Variants in ZNF676 observed in about 807,000 individuals in gnomAD.
The protein encoded by ZNF676 is zinc finger protein 676.
ZNF676 carries 4 observed loss-of-function variants against 6.0 expected under a neutral mutation model. That is an observed-to-expected ratio of 0.67 (90% CI 0.33 to 1.53). The LOEUF (loss-of-function observed/expected upper bound fraction) is 1.53, where lower values mean the gene tolerates loss of function less well. ZNF676 is among the 40% of genes most tolerant of loss of function. The pLI, the probability that ZNF676 is intolerant of heterozygous loss-of-function variation, is 0.06. For missense variants in ZNF676, 644 were observed against 679.7 expected (o/e 0.95, Z 0.58); for synonymous variants, 198 against 223.1 (o/e 0.89, Z 1.00).
At chr19:22,206,129 C>T (rs4932963) in intron 1 of ZNF676, among the ~76,000 whole-genome samples, 68,529 of 151,248 alleles carry the variant, frequency 0.45, 16,782 homozygotes, top group African/African-American at 0.65. Context: ...GCTCAAAAAA[C>T]TGAATTAGTA....
chr19:22,249,880 G>C, the ZNF676 span, among the ~76,000 whole-genome samples: 3 of 151,294 alleles, frequency 2.0e-5, no homozygotes, highest in Non-Finnish European at 4.4e-5. Flanking sequence ...TTGTATATAA[G>C]ATTTTATTAA....
Position 22,180,163 on chromosome 19 carries a change from C to A in ZNF676, c.1554G>T (p.Ser518=), listed in dbSNP as rs776190887. Residue 518 remains serine, a synonymous_variant, in exon 3 of 3, where the codon TCG becomes TCT. Transcript: ENST00000397121. ...EECGKAFSWS[S]ILTEHKIIHT... ...GAATTATCTTATGTTCAGTAAGGAT[C>A]GAGGACCAGCTGAAGGCTTTGCCAC... 6.4e-7 allele frequency: 1 copy of A among 1,556,470 alleles called. No homozygotes were observed. Among genetic ancestry groups the A allele is most frequent in the African/African-American group, 1.6e-5 (1 of 64,250 alleles).
chr19:22,226,868 G>A, the ZNF676 span, among the ~76,000 whole-genome samples: 2 of 152,032 alleles, frequency 1.3e-5, no homozygotes, highest in South Asian at 4.1e-4. Context: ...CAAAGTTCTC[G>A]GGTTACAGAG....
At chr19:22,237,540 A>G in the ZNF676 span, among the ~76,000 whole-genome samples, 1 of 152,166 alleles carries the variant, frequency 6.6e-6, no homozygotes, top group African/African-American at 2.4e-5. Flanking sequence ...ACTTTAGTCT[A>G]CTTATATGCC....
At chr19:22,200,555 G>C (rs1272905510), upstream of ZNF676, among the ~76,000 whole-genome samples, 1 of 99,780 alleles carries the variant, frequency 1.0e-5, no homozygotes, top group Non-Finnish European at 1.8e-5. Flanking sequence ...GTCTCACTTT[G>C]TTGCGGAGGC....
upstream of ZNF676, among the ~76,000 whole-genome samples, chr19:22,220,491 G>T (rs281196): frequency 0.69 from 101,681 of 148,232 alleles, 35,173 homozygotes; most frequent in South Asian, 0.85. Flanking sequence ...TGAGTCTTGC[G>T]CTGTCACCCA....
In ZNF676 at chr19:22,179,952, A is replaced by T. The variant is rs1599707867; in HGVS notation, c.1765T>A (p.Ter589LysextTer11). 6.2e-7 allele frequency: 1 copy of T among 1,611,854 alleles called. No homozygotes were observed. The highest frequency in any genetic ancestry group is 8.5e-7 in the Non-Finnish European group (1 of 1,179,114). ...GATTTACCACATTCTTCACATTTTT[A>T]GGGATTCTCTCCAGTATGAATTTTC... is the stretch of plus-strand genomic sequence containing the variant. ...HKKIHTGENP[*>K] Residue 589 changes from the stop codon to lysine (K), a stop_lost, in exon 3 of 3, where the codon TAA becomes AAA. Transcript: ENST00000397121.
chr19:22,234,647 G>A, the ZNF676 span, among the ~76,000 whole-genome samples: 1 of 152,072 alleles, frequency 6.6e-6, no homozygotes, highest in Non-Finnish European at 1.5e-5. Context: ...CAAAATCCTA[G>A]AGGCTGCCAG....
chr19:22,216,705 A>G (rs1394839643), upstream of ZNF676, among the ~76,000 whole-genome samples: 1 of 151,056 alleles, frequency 6.6e-6, no homozygotes, highest in African/African-American at 2.4e-5. Flanking sequence ...GCTCACTGCA[A>G]CCTCCCTCTC....
chr19:22,189,328 T>G (rs1228963673), intron 2 of ZNF676, among the ~76,000 whole-genome samples: 1 of 152,152 alleles, frequency 6.6e-6, no homozygotes, highest in African/African-American at 2.4e-5. Context: ...ACTGGACCCC[T>G]TCCTTACACC....
the ZNF676 span, among the ~76,000 whole-genome samples, chr19:22,242,005 A>G: frequency 3.3e-5 from 5 of 151,906 alleles, no homozygotes; most frequent in South Asian, 4.1e-4. Flanking sequence ...CACTCTCTGT[A>G]TCACCTGAGG....
chr19:22,185,614 C>A (rs1287793867), intron 2 of ZNF676, among the ~76,000 whole-genome samples: 1 of 151,846 alleles, frequency 6.6e-6, no homozygotes, highest in Admixed American at 6.6e-5. Flanking sequence ...TAACCCAATG[C>A]CAGGAAGCTA....
At chr19:22,194,447 C>A (rs902228287) in intron 1 of ZNF676, among the ~76,000 whole-genome samples, 17 of 152,164 alleles carry the variant, frequency 1.1e-4, no homozygotes, top group Admixed American at 5.9e-4. Context: ...AATGTTAGCA[C>A]AAGCAATGGC....
chr19:22,216,782 C>A (rs1348732978), upstream of ZNF676, among the ~76,000 whole-genome samples: 1 of 151,580 alleles, frequency 6.6e-6, no homozygotes, highest in Admixed American at 6.6e-5. Context: ...CACCACCACA[C>A]CCAGCTAATT....
chr19:22,225,971 T>C, the ZNF676 span, among the ~76,000 whole-genome samples: 2 of 152,136 alleles, frequency 1.3e-5, no homozygotes, highest in African/African-American at 4.8e-5. Context: ...TTCTTTTCAT[T>C]GTTGCTTATG....
At chr19:22,188,446 G>A (rs1317615935) in intron 2 of ZNF676, among the ~76,000 whole-genome samples, 1 of 152,026 alleles carries the variant, frequency 6.6e-6, no homozygotes, top group Non-Finnish European at 1.5e-5. Context: ...TTTGAAAACT[G>A]GCACAAGACA....
chr19:22,201,895 T>A (rs2024029838), upstream of ZNF676, among the ~76,000 whole-genome samples: 1 of 152,198 alleles, frequency 6.6e-6, no homozygotes, highest in Admixed American at 6.5e-5. Context: ...ATTATTGGTC[T>A]AATTTAAAGC....
At chr19:22,236,875 C>G in the ZNF676 span, among the ~76,000 whole-genome samples, 1 of 152,046 alleles carries the variant, frequency 6.6e-6, no homozygotes, top group African/African-American at 2.4e-5. Flanking sequence ...CTGTCCATTA[C>G]AGTAGCTATG....
At chr19:22,238,499 A>G in the ZNF676 span, among the ~76,000 whole-genome samples, 1 of 152,254 alleles carries the variant, frequency 6.6e-6, no homozygotes, top group South Asian at 2.1e-4. Flanking sequence ...TAGAGTCCTT[A>G]GCATTTTTGG....
Sources: allele counts gnomAD v4.1 joint callset (sites outside exome capture counted in the v4.1 genomes callset), GRCh38; gene constraint gnomAD v4.1.1; transcripts MANE v1.5; gene names NCBI Gene and HGNC (gene_info 2026-07-23, HGNC 2026-07-21).